The following ZFPM2 variants were observed in gnomAD, a reference collection of about 807,000 sequenced individuals.
ZFPM2 encodes the protein zinc finger protein, FOG family member 2.
In ZFPM2, 20 loss-of-function variants were observed where a neutral mutation model predicts 98.6. The ratio of observed to expected loss-of-function variants is 0.20; its 90% CI spans 0.14 to 0.29. ZFPM2 has a LOEUF of 0.29. Among genes scored for constraint, ZFPM2 ranks in the 10% least tolerant of loss-of-function variants. The pLI, the probability that ZFPM2 is intolerant of heterozygous loss-of-function variation, is 1.00. For missense variants in ZFPM2, 1,310 were observed against 1,388.6 expected (o/e 0.94, Z 0.90); for synonymous variants, 518 against 502.7 (o/e 1.03, Z -0.41).
At chr8:105,689,768 T>G (rs989833224) in intron 5 of ZFPM2, among the ~76,000 whole-genome samples, 2 of 152,206 alleles carry the variant, frequency 1.3e-5, no homozygotes, top group Non-Finnish European at 2.9e-5. Context: ...TTTGGTTTCA[T>G]TTTTATATTT....
intron 3 of ZFPM2, among the ~76,000 whole-genome samples, chr8:105,537,946 G>T (rs1007433328): frequency 6.6e-6 from 1 of 151,948 alleles, no homozygotes; most frequent in Non-Finnish European, 1.5e-5. Context: ...TGGCCAGGAT[G>T]GTCTCGATCT....
chr8:105,366,880 C>A (rs1295547959), intron 1 of ZFPM2, among the ~76,000 whole-genome samples: 1 of 149,932 alleles, frequency 6.7e-6, no homozygotes, highest in Non-Finnish European at 1.5e-5. Context: ...AATCTTTAAT[C>A]CATCTTGAAT....
chr8:105,455,872 A>G (rs1791373064), intron 3 of ZFPM2, among the ~76,000 whole-genome samples: 1 of 152,184 alleles, frequency 6.6e-6, no homozygotes, highest in South Asian at 2.1e-4. Context: ...GCTGTTGAGT[A>G]GAACATTGGT....
intron 3 of ZFPM2, among the ~76,000 whole-genome samples, chr8:105,531,831 CAA>C (rs1339047475): frequency 4.6e-5 from 7 of 152,020 alleles, no homozygotes; most frequent in African/African-American, 1.7e-4. Flanking sequence ...AAAAATGAAA[CAA>C]AGAACTTTTC....
intron 3 of ZFPM2, among the ~76,000 whole-genome samples, chr8:105,521,522 A>G (rs1814060224): frequency 6.6e-6 from 1 of 152,144 alleles, no homozygotes; most frequent in South Asian, 2.1e-4. Flanking sequence ...TGTAGAAAAA[A>G]TATGGAACTC....
chr8:105,389,781 A>G (rs1419175859), intron 1 of ZFPM2, among the ~76,000 whole-genome samples: 1 of 152,208 alleles, frequency 6.6e-6, no homozygotes, highest in Non-Finnish European at 1.5e-5. Context: ...GATCATAGCT[A>G]TGTCTGAGAA....
chr8:105,440,714 G>C (rs1004646771), intron 2 of ZFPM2, among the ~76,000 whole-genome samples: 1 of 152,110 alleles, frequency 6.6e-6, no homozygotes, highest in African/African-American at 2.4e-5. Context: ...CATAGAACAG[G>C]AGCTCTAATT....
At chr8:105,494,353 G>C (rs899171814) in intron 3 of ZFPM2, among the ~76,000 whole-genome samples, 42 of 151,048 alleles carry the variant, frequency 2.8e-4, no homozygotes, top group African/African-American at 1.0e-3. Flanking sequence ...TAAGACCCAG[G>C]TGTCATCCTC....
At chr8:105,639,174 T>C (rs1400477563) in intron 5 of ZFPM2, among the ~76,000 whole-genome samples, 2 of 152,118 alleles carry the variant, frequency 1.3e-5, no homozygotes, top group African/African-American at 4.8e-5. Context: ...GCACTGATGA[T>C]CTACTTCTTT....
intron 3 of ZFPM2, among the ~76,000 whole-genome samples, chr8:105,538,186 C>T (rs1239399908): frequency 3.3e-5 from 5 of 151,838 alleles, no homozygotes; most frequent in Non-Finnish European, 4.4e-5. Context: ...AAGTCCCAAC[C>T]ATACCCAGGG....
chr8:105,634,202 C>T (rs1207846896), intron 4 of ZFPM2, 44 bp from the exon 5 acceptor site: 1 of 1,452,348 alleles, frequency 6.9e-7, no homozygotes. Context: ...AGTTTTTAAT[C>T]AACGGAAGCA....
intron 5 of ZFPM2, among the ~76,000 whole-genome samples, chr8:105,712,353 G>T (rs1295769841): frequency 6.6e-6 from 1 of 152,018 alleles, no homozygotes; most frequent in Non-Finnish European, 1.5e-5. Context: ...TTGAAAGACA[G>T]ACCATAAACA....
chr8:105,552,517 C>T (rs1343343727), intron 3 of ZFPM2, among the ~76,000 whole-genome samples: 1 of 152,126 alleles, frequency 6.6e-6, no homozygotes, highest in Non-Finnish European at 1.5e-5. Flanking sequence ...CCTGCTCCCT[C>T]CCACTCAACT....
rs139136979 is a variant in ZFPM2, at chr8:105,359,347, T to C, written c.40+40366T>C. On this transcript the variant is annotated intron_variant, in intron 1 of 7. Coordinates refer to ENST00000407775, the MANE Select transcript of ZFPM2 (RefSeq NM_012082.4). ...TTACCCACTCTCGGGTATTTCTTTCTTTTCTTTTTCTTTTTCTTTCTTTTT... is the reference window on the plus strand; with the variant it reads ...TTACCCACTCTCGGGTATTTCTTTCCTTTCTTTTTCTTTTTCTTTCTTTTT... Among the ~76,000 whole-genome samples, 287 of 147,778 alleles carry C rather than the reference T, an allele frequency of 1.9e-3. 4 individuals carry two copies. Among genetic ancestry groups the C allele is most frequent in the Admixed American group, 0.017 (234 of 14,010 alleles).
rs187352086 is a variant in ZFPM2, at chr8:105,440,197, T to C, written c.200-4083T>C. 1.2e-3 allele frequency among the ~76,000 whole-genome samples: 189 copies of C among 152,276 alleles called. No homozygotes were observed. The Middle Eastern group carries it at 0.014, about 11-fold the overall frequency. On this transcript the variant is annotated intron_variant, in intron 2 of 7. Coordinates refer to ENST00000407775, the MANE Select transcript of ZFPM2 (RefSeq NM_012082.4). ...AAAGCAATGAGATAGAAACTCAGAG[T>C]CTAAATAGAGATGGTAGCTAGCATT...
intron 1 of ZFPM2, among the ~76,000 whole-genome samples, chr8:105,382,472 A>G (rs1176699941): frequency 6.6e-6 from 1 of 152,038 alleles, no homozygotes; most frequent in African/African-American, 2.4e-5. Context: ...TTATTTTCTT[A>G]TTCCATGTTA....
intron 5 of ZFPM2, among the ~76,000 whole-genome samples, chr8:105,760,118 G>A (rs1812703629): frequency 2.0e-5 from 3 of 151,936 alleles, no homozygotes; most frequent in Admixed American, 2.0e-4. Context: ...ACTTCTTGGT[G>A]GATATGAATG....
chr8:105,510,799 G>A (rs564985068), intron 3 of ZFPM2, among the ~76,000 whole-genome samples: 4 of 152,202 alleles, frequency 2.6e-5, no homozygotes, highest in Non-Finnish European at 5.9e-5. Flanking sequence ...GGGTGGGGAT[G>A]TGAGGGACTG....
chr8:105,589,647 G>T (rs1398774497), intron 4 of ZFPM2, among the ~76,000 whole-genome samples: 1 of 152,054 alleles, frequency 6.6e-6, no homozygotes, highest in Non-Finnish European at 1.5e-5. Flanking sequence ...CACATTACTT[G>T]CTTTCTTCTT....
Sources: allele counts gnomAD v4.1 joint callset (sites outside exome capture counted in the v4.1 genomes callset), GRCh38; gene constraint gnomAD v4.1.1; transcripts MANE v1.5; gene names NCBI Gene and HGNC (gene_info 2026-07-23, HGNC 2026-07-21).